The following SEC14L1 variants were observed in gnomAD, a reference collection of about 807,000 sequenced individuals.
The protein encoded by SEC14L1 is SEC14 like lipid binding 1.
A neutral mutation model predicts 85.3 loss-of-function variants in SEC14L1; 48 were observed. That is an observed-to-expected ratio of 0.56 (90% CI 0.45 to 0.72). The LOEUF (loss-of-function observed/expected upper bound fraction) is 0.72, where lower values mean the gene tolerates loss of function less well. SEC14L1 is among the 30% of genes least tolerant of loss of function. The pLI is 0.00. For missense variants in SEC14L1, 682 were observed against 921.4 expected (o/e 0.74, Z 3.36); for synonymous variants, 391 against 355.5 (o/e 1.10, Z -1.12).
chr17:77,213,531 T>C lies in SEC14L1; in HGVS notation c.2042+39T>C. Reference sequence around the variant, plus strand: ...CGCCACAGCAGGTGCTGCGGACAGCTGGGCATGGTTGGAGGGAGCCTGCAG... The same window carrying C: ...CGCCACAGCAGGTGCTGCGGACAGCCGGGCATGGTTGGAGGGAGCCTGCAG... On this transcript the variant is annotated intron_variant, in intron 16 of 16. Transcript: ENST00000436233. The surrounding 1 kb of genome is among the most constrained non-coding windows in gnomAD (Gnocchi z 7.1). 6.3e-7 allele frequency: 1 copy of C among 1,599,006 alleles called. No individual in the cohort carries two copies. The highest frequency in any genetic ancestry group is 1.1e-5 in the South Asian group (1 of 90,828).
rs184535128 is a variant in SEC14L1, at chr17:77,208,658, A to G, written c.1477-684A>G. ...CAGTCTGGTATTTTTCCACCACGAC[A>G]TCACTGCTTTGACACTTATGCTGTA... On this transcript the variant is annotated intron_variant, in intron 13 of 16. Transcript: ENST00000436233. Among the ~76,000 whole-genome samples, 154 of 152,344 alleles carry G rather than the reference A, an allele frequency of 1.0e-3. 1 individual carries two copies. Among genetic ancestry groups the G allele is most frequent in the African/African-American group, 3.6e-3 (151 of 41,580 alleles).
intron 3 of SEC14L1, among the ~76,000 whole-genome samples, chr17:77,107,519 T>C (rs980970211): frequency 5.9e-5 from 9 of 152,034 alleles, no homozygotes; most frequent in Non-Finnish European, 1.3e-4. Context: ...AATGAAGACA[T>C]AGATGAAAAG....
At position 77,091,028 on chromosome 17, in the gene SEC14L1, A is replaced by T. The variant is rs73376313; in HGVS notation, c.-240+1757A>T. 7.3e-3 allele frequency among the ~76,000 whole-genome samples: 1,095 copies of T among 150,864 alleles called. 12 individuals carry two copies. Among genetic ancestry groups the T allele is most frequent in the African/African-American group, 0.025 (1,048 of 41,146 alleles). ...CATACAGGGCCTTGCGGCTCAGGCG[A>T]GGATGTTGGTCTTTGGCCTAAGAAT... On this transcript the variant is annotated intron_variant, in intron 2 of 19. Transcript: ENST00000392476.
At position 77,194,791 on chromosome 17, in the gene SEC14L1, T is replaced by C; in HGVS notation, c.589T>C (p.Ser197Pro). Residue 197 changes from serine (S) to proline (P), a missense_variant, in exon 7 of 17, where the codon TCC becomes CCC. Coordinates refer to ENST00000436233, the MANE Select transcript of SEC14L1 (RefSeq NM_001143998.2). ...CTCTTCAGAGACATCTTCATCATCC[T>C]CCAAGAAACAAGCAGCGTCCATGGC... Reference protein sequence around the residue: ...TTSSETSSSSSKKQAASMAVV... With the variant: ...TTSSETSSSSPKKQAASMAVV... 6.2e-7 allele frequency: 1 copy of C among 1,614,142 alleles called. No individual in the cohort carries two copies. Among genetic ancestry groups the C allele is most frequent in the Non-Finnish European group, 8.5e-7 (1 of 1,180,016 alleles).
chr17:77,149,856 GTTTT>G (rs201022692), intron 3 of SEC14L1, among the ~76,000 whole-genome samples: 7 of 123,930 alleles, frequency 5.6e-5, no homozygotes, highest in Admixed American at 7.9e-5. Flanking sequence ...GCTGATTTGT[GTTTT>G]TTTTTTTTTT....
chr17:77,142,140 T>A (rs2143507436), intron 1 of SEC14L1, among the ~76,000 whole-genome samples: 1 of 152,272 alleles, frequency 6.6e-6, no homozygotes, highest in South Asian at 2.1e-4. Context: ...GTCAAATGGC[T>A]TACTCGTGGT....
intron 1 of SEC14L1, chr17:77,141,362 A>G (rs1973031957): frequency 1.7e-5 from 1 of 57,286 alleles, no homozygotes; most frequent in Admixed American, 2.4e-4. Context: ...CCACCTCGCC[A>G]GGCTTCCAGT....
Position 77,215,968 on chromosome 17 carries a change from G to A in SEC14L1, c.*1945G>A, listed in dbSNP as rs1307302727. On this transcript the variant is annotated 3_prime_UTR_variant, in exon 17 of 17. Transcript: ENST00000436233. ...TCGTAGGTAGGGTTAGGTAGGGTTC[G>A]TAGGTAGGGTTAGTAGGTAGGGCTA... 1.3e-5 allele frequency: 9 copies of A among 680,036 alleles called. 1 individual carries two copies. Among genetic ancestry groups the A allele is most frequent in the South Asian group, 7.0e-5 (1 of 14,248 alleles). 42.1% of individuals were successfully genotyped at this position (680,036 alleles called of 1,614,324 possible).
chr17:77,207,652 A>G (rs1490680531), intron 13 of SEC14L1, among the ~76,000 whole-genome samples: 1 of 152,018 alleles, frequency 6.6e-6, no homozygotes, highest in East Asian at 1.9e-4. Context: ...GGGTTTCACC[A>G]TGTCAGCCAG....
intron 3 of SEC14L1, among the ~76,000 whole-genome samples, chr17:77,190,298 A>G (rs1975464247): frequency 1.3e-5 from 2 of 152,164 alleles, no homozygotes; most frequent in Non-Finnish European, 2.9e-5. Context: ...TGCAGATACT[A>G]AAAAATAAAT....
intron 8 of SEC14L1, among the ~76,000 whole-genome samples, chr17:77,200,239 G>T (rs1447925703): frequency 1.3e-5 from 2 of 151,976 alleles, no homozygotes; most frequent in Non-Finnish European, 2.9e-5. Context: ...ATGTGATCTC[G>T]GCTCGCTGCA....
chr17:77,103,847 G>A (rs893289372), intron 3 of SEC14L1, among the ~76,000 whole-genome samples: 3 of 150,400 alleles, frequency 2.0e-5, no homozygotes, highest in Admixed American at 2.0e-4. Context: ...AGGATACAAT[G>A]CACAGCGGGA....
At chr17:77,115,992 C>T (rs895083096) in intron 3 of SEC14L1, among the ~76,000 whole-genome samples, 7 of 151,596 alleles carry the variant, frequency 4.6e-5, no homozygotes, top group African/African-American at 1.7e-4. Flanking sequence ...CATTACTGCT[C>T]ATCGCAGCCT....
chr17:77,212,306 C>A, intron 15 of SEC14L1, 105 bp downstream of exon 15: 1 of 1,470,758 alleles, frequency 6.8e-7, no homozygotes, highest in Non-Finnish European at 9.2e-7. Context: ...CCCTGTGTAG[C>A]TTTTGAGGCC....
chr17:77,088,933 G>A (rs8082404), exon 1 of SEC14L1: 24,112 of 155,496 alleles, frequency 0.16, 1,995 homozygotes, highest in African/African-American at 0.17. Flanking sequence ...TTTCGGGGAC[G>A]GCTTCTCCCA....
intron 3 of SEC14L1, among the ~76,000 whole-genome samples, chr17:77,103,657 G>T (rs565885206): frequency 9.0e-5 from 1 of 11,072 alleles, no homozygotes; most frequent in South Asian, 2.0e-3. Flanking sequence ...GGCCAGGCCA[G>T]TCTTGAACTC....
intron 3 of SEC14L1, 46 bp from the exon 4 acceptor site, chr17:77,190,757 G>C: frequency 6.2e-7 from 1 of 1,606,682 alleles, no homozygotes; most frequent in Non-Finnish European, 8.5e-7. Flanking sequence ...AGGACATCAG[G>C]TTGTGTCTTT....
chr17:77,191,937 C>T (rs1350447946), intron 5 of SEC14L1, among the ~76,000 whole-genome samples: 1 of 151,986 alleles, frequency 6.6e-6, no homozygotes, highest in Non-Finnish European at 1.5e-5. Context: ...GCTGGGATTA[C>T]AGGCACTCGC....
intron 3 of SEC14L1, among the ~76,000 whole-genome samples, chr17:77,151,830 C>T (rs1485992663): frequency 7.9e-5 from 12 of 151,994 alleles, no homozygotes; most frequent in Admixed American, 7.9e-4. Context: ...TGGTAAGACC[C>T]TGTCTCTAAA....
Sources: allele counts gnomAD v4.1 joint callset (sites outside exome capture counted in the v4.1 genomes callset), GRCh38; gene constraint gnomAD v4.1.1; non-coding constraint Gnocchi (gnomAD v3.1); transcripts MANE v1.5; gene names NCBI Gene and HGNC (gene_info 2026-07-23, HGNC 2026-07-21).